Variants in ACVR1C observed in about 807,000 individuals in gnomAD.
ACVR1C encodes the protein activin receptor type-1C.
In ACVR1C, 23 loss-of-function variants were observed where a neutral mutation model predicts 57.9. The ratio of observed to expected loss-of-function variants is 0.40; its 90% CI spans 0.29 to 0.56. ACVR1C has a LOEUF of 0.56. ACVR1C is among the 20% of genes least tolerant of loss of function. The probability of loss-of-function intolerance (pLI) is 0.50; values close to 1 mark genes in which losing one functional copy is unlikely to be tolerated. For missense variants in ACVR1C, 480 were observed against 607.9 expected (o/e 0.79, Z 2.21); for synonymous variants, 214 against 215.3 (o/e 0.99, Z 0.05).
chr2:157,590,540 A>T (rs1479246638), intron 1 of ACVR1C, among the ~76,000 whole-genome samples: 1 of 151,994 alleles, frequency 6.6e-6, no homozygotes, highest in African/African-American at 2.4e-5. Context: ...TAAGGGAAAT[A>T]CAATCCTAAA....
chr2:157,581,334 A>C (rs1219075864), intron 2 of ACVR1C, among the ~76,000 whole-genome samples: 2 of 152,186 alleles, frequency 1.3e-5, no homozygotes, highest in African/African-American at 2.4e-5. Flanking sequence ...CAAAACTTTG[A>C]AAATATGAAA....
chr2:157,581,463 G>A (rs376159492), intron 2 of ACVR1C, among the ~76,000 whole-genome samples: 2 of 152,134 alleles, frequency 1.3e-5, no homozygotes, highest in Non-Finnish European at 1.5e-5. Flanking sequence ...AGAAACCACT[G>A]TAAGGATACA....
At chr2:157,549,521 G>A (rs1687858878) in intron 4 of ACVR1C, among the ~76,000 whole-genome samples, 1 of 152,030 alleles carries the variant, frequency 6.6e-6, no homozygotes, top group Non-Finnish European at 1.5e-5. Context: ...CTGATTAGTT[G>A]GTTCCTGCAC....
intron 1 of ACVR1C, among the ~76,000 whole-genome samples, chr2:157,614,890 A>T (rs1398952792): frequency 6.6e-6 from 1 of 152,144 alleles, no homozygotes; most frequent in East Asian, 1.9e-4. Flanking sequence ...TTTAAAGTGC[A>T]TTTCTTATAT....
chr2:157,537,469 G>C (rs1272817465), intron 8 of ACVR1C, among the ~76,000 whole-genome samples: 1 of 151,596 alleles, frequency 6.6e-6, no homozygotes, highest in Non-Finnish European at 1.5e-5. Flanking sequence ...ATGTAGGTAA[G>C]ACATCTACAC....
At chr2:157,559,962 G>A (rs965792211) in intron 2 of ACVR1C, among the ~76,000 whole-genome samples, 3 of 151,490 alleles carry the variant, frequency 2.0e-5, no homozygotes, top group African/African-American at 4.9e-5. Flanking sequence ...GAGGCAGGGA[G>A]GGAAGGAAGA....
chr2:157,621,398 T>C (rs996774975), intron 1 of ACVR1C, among the ~76,000 whole-genome samples: 2 of 152,140 alleles, frequency 1.3e-5, no homozygotes, highest in African/African-American at 4.8e-5. Flanking sequence ...AGGTCTTCCT[T>C]GTCTGTTTCA....
At chr2:157,619,525 T>C (rs955699056) in intron 1 of ACVR1C, among the ~76,000 whole-genome samples, 3 of 151,984 alleles carry the variant, frequency 2.0e-5, no homozygotes, top group South Asian at 2.1e-4. Flanking sequence ...TTTATTGAAA[T>C]GCAGCAACAC....
At chr2:157,566,440 T>A (rs1688381958) in intron 2 of ACVR1C, among the ~76,000 whole-genome samples, 1 of 152,270 alleles carries the variant, frequency 6.6e-6, no homozygotes, top group African/African-American at 2.4e-5. Context: ...TGCATTTCCA[T>A]CTGAGGTACC....
intron 1 of ACVR1C, among the ~76,000 whole-genome samples, chr2:157,615,478 A>T (rs905790901): frequency 6.6e-6 from 1 of 151,990 alleles, no homozygotes; most frequent in African/African-American, 2.4e-5. Flanking sequence ...GAGCTCAAGC[A>T]ATTCTCCCAC....
chr2:157,596,566 G>T (rs1239824309), intron 1 of ACVR1C, among the ~76,000 whole-genome samples: 1 of 151,882 alleles, frequency 6.6e-6, no homozygotes, highest in Non-Finnish European at 1.5e-5. Context: ...ATTTTACTCT[G>T]CAATTTATTT....
At chr2:157,605,482 A>G (rs1305483733) in intron 1 of ACVR1C, among the ~76,000 whole-genome samples, 1 of 151,730 alleles carries the variant, frequency 6.6e-6, no homozygotes, top group Non-Finnish European at 1.5e-5. Flanking sequence ...GAGAAAATTA[A>G]TAAACTGACA....
intron 1 of ACVR1C, among the ~76,000 whole-genome samples, chr2:157,612,629 C>T (rs1459023432): frequency 6.6e-6 from 1 of 152,224 alleles, no homozygotes; most frequent in African/African-American, 2.4e-5. Context: ...ATTCTCACAG[C>T]CCCAGACAGG....
intron 1 of ACVR1C, among the ~76,000 whole-genome samples, chr2:157,598,111 A>G (rs762619417): frequency 2.0e-4 from 31 of 152,084 alleles, no homozygotes; most frequent in Non-Finnish European, 4.3e-4. Flanking sequence ...CCAGATTTGG[A>G]AATTTCACTG....
Position 157,572,777 on chromosome 2 carries a change from G to A in ACVR1C, c.304+14410C>T, listed in dbSNP as rs556529264. Reference sequence around the variant, plus strand: ...GACTTTTAGATGCTTATATTTCAGAGCACTTTCCAAACAATAAAAATCATA... The same window carrying A: ...GACTTTTAGATGCTTATATTTCAGAACACTTTCCAAACAATAAAAATCATA... On this transcript the variant is annotated intron_variant, in intron 2 of 8. Transcript: ENST00000243349. Among the ~76,000 whole-genome samples the A allele has an allele frequency of 8.0e-4, 121 of 152,150 alleles. 2 individuals are homozygous for A. Among genetic ancestry groups the A allele is most frequent in the South Asian group, 1.5e-3 (7 of 4,826 alleles).
intron 1 of ACVR1C, among the ~76,000 whole-genome samples, chr2:157,590,182 T>C (rs1416632289): frequency 6.6e-6 from 1 of 151,956 alleles, no homozygotes; most frequent in Non-Finnish European, 1.5e-5. Flanking sequence ...AAATGTATTA[T>C]TAATGTAATG....
At chr2:157,553,958 A>G (rs965630749) in intron 3 of ACVR1C, among the ~76,000 whole-genome samples, 1 of 151,826 alleles carries the variant, frequency 6.6e-6, no homozygotes, top group African/African-American at 2.4e-5. Flanking sequence ...CAAGGCAGGC[A>G]GATCACTTGA....
chr2:157,563,302 C>T (rs1688286412), intron 2 of ACVR1C, among the ~76,000 whole-genome samples: 1 of 152,128 alleles, frequency 6.6e-6, no homozygotes, highest in Non-Finnish European at 1.5e-5. Flanking sequence ...GCAAAAATCA[C>T]AAGCATTCTT....
At chr2:157,624,235 C>G (rs1488088504) in intron 1 of ACVR1C, among the ~76,000 whole-genome samples, 1 of 152,140 alleles carries the variant, frequency 6.6e-6, no homozygotes, top group Non-Finnish European at 1.5e-5. Flanking sequence ...TGTCATTGCT[C>G]TCTTAGGAAC....
Sources: allele counts gnomAD v4.1 joint callset (sites outside exome capture counted in the v4.1 genomes callset), GRCh38; gene constraint gnomAD v4.1.1; transcripts MANE v1.5; gene names NCBI Gene and HGNC (gene_info 2026-07-23, HGNC 2026-07-21).